BTLA: variants seen among roughly 807,000 people sequenced by gnomAD.
BTLA encodes the protein B and T lymphocyte associated.
A neutral mutation model predicts 25.0 loss-of-function variants in BTLA; 11 were observed. That is an observed-to-expected ratio of 0.44 (90% CI 0.28 to 0.73). BTLA has a LOEUF of 0.73. Among genes scored for constraint, BTLA ranks in the 30% least tolerant of loss-of-function variants. BTLA has a pLI of 0.15. For missense variants in BTLA, 282 were observed against 332.8 expected, an observed-to-expected ratio of 0.85 and a Z score of 1.19; for synonymous variants, 104 against 119.8, an observed-to-expected ratio of 0.87 and a Z score of 0.86.
At chr3:112,474,293 T>C (rs570969575) in intron 2 of BTLA, among the ~76,000 whole-genome samples, 2 of 152,296 alleles carry the variant, frequency 1.3e-5, no homozygotes, top group South Asian at 2.1e-4. Flanking sequence ...ATTTCCAAAA[T>C]ATATTTTTCT....
chr3:112,490,604 AAC>A (rs55894234), intron 1 of BTLA, among the ~76,000 whole-genome samples: 98,342 of 142,152 alleles, frequency 0.69, 37,229 homozygotes, highest in Non-Finnish European at 0.86. Context: ...TCCCTGGGTA[AAC>A]ACACACACAC....
chr3:112,473,273 C>T (rs1301492086), intron 2 of BTLA, among the ~76,000 whole-genome samples: 4 of 152,044 alleles, frequency 2.6e-5, no homozygotes, highest in African/African-American at 9.7e-5. Flanking sequence ...ATCCAACAAT[C>T]TATCTCAAGA....
rs1196313528 is a variant in BTLA at position 112,470,131 on chromosome 3, T to C, written c.548-327A>G. 3.6e-5 allele frequency: 7 copies of C among 195,724 alleles called. No individual in the cohort carries two copies. The South Asian group carries it at 6.6e-4, about 19-fold the overall frequency. 12.1% of individuals were successfully genotyped at this position (195,724 alleles called of 1,614,324 possible). On this transcript the variant is annotated intron_variant, in intron 3 of 4. Coordinates refer to ENST00000334529, the MANE Select transcript of BTLA (RefSeq NM_181780.4). ...AGAAATGCTGCTGTCCTGTCACCTATGTAGCCAAGATCTCCTACTACCTAG... is the reference window on the plus strand; with the variant it reads ...AGAAATGCTGCTGTCCTGTCACCTACGTAGCCAAGATCTCCTACTACCTAG...
chr3:112,499,148 G>T (rs1258456187), intron 1 of BTLA, 123 bp downstream of exon 1: 1 of 659,008 alleles, frequency 1.5e-6, no homozygotes, highest in Non-Finnish European at 2.6e-6. Flanking sequence ...GTAACAGCTT[G>T]GTTTCATCTA....
At chr3:112,493,190 T>G (rs1292212983) in intron 1 of BTLA, among the ~76,000 whole-genome samples, 1 of 152,192 alleles carries the variant, frequency 6.6e-6, no homozygotes, top group Middle Eastern at 3.2e-3. Context: ...ACAATACAAC[T>G]CAAGCGCATG....
Position 112,471,291 on chromosome 3 carries a change from A to G in BTLA, c.468T>C (p.Tyr156=), listed in dbSNP as rs1434109420. The change falls in exon 3 of 5, where the codon TAT becomes TAC. Residue 156 remains tyrosine, a synonymous_variant. Coordinates refer to ENST00000334529, the MANE Select transcript of BTLA (RefSeq NM_181780.4). ...GCAATCCCCCCAAAGGAAGTAAACG[A>G]TACAGGAGCCAGGGTCTGCTTGCCA... ...DEMASRPWLL[Y]RLLPLGGLPL... The G allele has an allele frequency of 6.2e-7, 1 of 1,613,962 alleles. No homozygotes were observed. The highest frequency in any genetic ancestry group is 8.5e-7 in the Non-Finnish European group (1 of 1,179,952).
chr3:112,498,196 G>T (rs1172330545), intron 1 of BTLA, among the ~76,000 whole-genome samples: 1 of 152,140 alleles, frequency 6.6e-6, no homozygotes, highest in South Asian at 2.1e-4. Flanking sequence ...GCAGTGCTCA[G>T]TTGGGTAGGA....
rs949994973 is a variant in BTLA, at chr3:112,479,722, G to A, written c.136C>T (p.His46Tyr). ...VQLYIKRQSE[H>Y]SILAGDPFEL... Reference sequence around the variant, plus strand: ...AAGGGATCTCCTGCTAAGATGGAGTGTTCAGATTGTCTCTTTATATAAAGC... The same window carrying A: ...AAGGGATCTCCTGCTAAGATGGAGTATTCAGATTGTCTCTTTATATAAAGC... The change falls in exon 2 of 5, where the codon CAC (histidine) becomes TAC (tyrosine). Residue 46 changes from histidine (H) to tyrosine (Y), a missense_variant. Physicochemically the swap from His to Tyr is moderately conservative, Grantham distance 83 (BLOSUM62 2). This residue lies in a region of BTLA where 163 missense variants were observed against 230.4 expected (regional missense o/e 0.71). Transcript: ENST00000334529. The A allele has an allele frequency of 2.5e-6, 4 of 1,613,468 alleles. No homozygotes were observed. In the African/African-American group the frequency reaches 5.3e-5, roughly 22 times the overall value.
intron 2 of BTLA, among the ~76,000 whole-genome samples, chr3:112,476,913 A>T (rs928391398): frequency 2.0e-5 from 3 of 152,154 alleles, no homozygotes; most frequent in African/African-American, 4.8e-5. Flanking sequence ...CCTATTTTGG[A>T]TATTTCATAT....
In BTLA at chr3:112,466,299, C is replaced by T; in HGVS notation, c.679G>A (p.Asp227Asn). Residue 227 changes from aspartate (D) to asparagine (N), a missense_variant, in exon 5 of 5, where the codon GAT (aspartate) becomes AAT (asparagine). Transcript: ENST00000334529. ...QVLLSETGIY[D>N]NDPDLCFRMQ... is the part of the protein sequence containing the mutation. Reference sequence around the variant, plus strand: ...CTGAAACAAAGGTCAGGGTCATTATCATAAATTCCAGTTTCTGATAGCAGT... The same window carrying T: ...CTGAAACAAAGGTCAGGGTCATTATTATAAATTCCAGTTTCTGATAGCAGT... 6.2e-7 allele frequency: 1 copy of T among 1,613,996 alleles called. No homozygotes were observed. The highest frequency in any genetic ancestry group is 8.5e-7 in the Non-Finnish European group (1 of 1,179,938).
At chr3:112,491,925 A>G (rs1265488024) in intron 1 of BTLA, among the ~76,000 whole-genome samples, 1 of 152,252 alleles carries the variant, frequency 6.6e-6, no homozygotes, top group Non-Finnish European at 1.5e-5. Context: ...AGCACATCCA[A>G]TATAAGCATG....
At chr3:112,470,866 G>C (rs556320032) in intron 3 of BTLA, among the ~76,000 whole-genome samples, 14 of 152,330 alleles carry the variant, frequency 9.2e-5, no homozygotes, top group Admixed American at 8.5e-4. Flanking sequence ...TGATCTGAGA[G>C]ATTGTTTCAA....
At chr3:112,471,800 T>G (rs2082263807) in intron 2 of BTLA, among the ~76,000 whole-genome samples, 1 of 152,198 alleles carries the variant, frequency 6.6e-6, no homozygotes, top group South Asian at 2.1e-4. Context: ...TCAAGTTTCT[T>G]CAACACAATG....
At chr3:112,483,233 C>T (rs1409373224) in intron 1 of BTLA, among the ~76,000 whole-genome samples, 1 of 142,172 alleles carries the variant, frequency 7.0e-6, no homozygotes, top group Non-Finnish European at 1.5e-5. Context: ...ACCGTAACCT[C>T]TGCCTCCCGG....
intron 2 of BTLA, among the ~76,000 whole-genome samples, 197 bp from the exon 3 acceptor site, chr3:112,471,552 G>A (rs992860053): frequency 3.9e-5 from 6 of 152,128 alleles, no homozygotes; most frequent in African/African-American, 1.4e-4. Context: ...GTGGCTCTGC[G>A]ATAATTTATC....
Position 112,468,557 on chromosome 3 carries a change from G to A in BTLA, c.594+1201C>T, listed in dbSNP as rs2082243225. ...TTGCACATACAGAAAATACCCTTTT[G>A]AATTAAGCTTCAAATCATAATTTAT... is the stretch of plus-strand genomic sequence containing the variant. On this transcript the variant is annotated intron_variant, in intron 4 of 4. Transcript: ENST00000334529. 2.0e-5 allele frequency among the ~76,000 whole-genome samples: 3 copies of A among 152,228 alleles called. No homozygotes were observed. The South Asian group carries it at 6.2e-4, about 32-fold the overall frequency.
At chr3:112,480,303 T>C (rs1007710485) in intron 1 of BTLA, among the ~76,000 whole-genome samples, 155 of 152,234 alleles carry the variant, frequency 1.0e-3, no homozygotes, top group Admixed American at 0.01. Context: ...CTCACCATCA[T>C]TTGCTGACTC....
At chr3:112,492,559 G>C (rs1331539483) in intron 1 of BTLA, among the ~76,000 whole-genome samples, 2 of 152,154 alleles carry the variant, frequency 1.3e-5, no homozygotes, top group African/African-American at 4.8e-5. Flanking sequence ...TGATTGGAAA[G>C]GGAAAGTCCA....
chr3:112,494,261 G>T (rs1403632624), intron 1 of BTLA, among the ~76,000 whole-genome samples: 1 of 152,154 alleles, frequency 6.6e-6, no homozygotes, highest in Non-Finnish European at 1.5e-5. Flanking sequence ...GAAACAATAG[G>T]TGCTGGCAAG....
Sources: allele counts gnomAD v4.1 joint callset (sites outside exome capture counted in the v4.1 genomes callset), GRCh38; gene constraint gnomAD v4.1.1; regional missense constraint gnomAD v4.1.1; transcripts MANE v1.5; gene names NCBI Gene and HGNC (gene_info 2026-07-23, HGNC 2026-07-21).